Variants in OPCML observed in about 807,000 individuals in gnomAD.
OPCML encodes the protein opioid-binding protein/cell adhesion molecule.
In OPCML, 13 loss-of-function variants were observed where a neutral mutation model predicts 37.8. The observed-to-expected ratio is 0.34, with a 90% CI of 0.22 to 0.55. The LOEUF (loss-of-function observed/expected upper bound fraction) is 0.55. OPCML is among the 20% of genes least tolerant of loss of function. The pLI is 0.91. For missense variants in OPCML, 341 were observed against 435.6 expected (o/e 0.78, Z 1.93); for synonymous variants, 176 against 168.8 (o/e 1.04, Z -0.33).
intron 1 of OPCML, among the ~76,000 whole-genome samples, chr11:133,098,856 A>G (rs1177914548): frequency 6.6e-6 from 1 of 152,198 alleles, no homozygotes; most frequent in Non-Finnish European, 1.5e-5. Flanking sequence ...TAATGCATAT[A>G]GATGGGGAAG....
chr11:133,024,441 GGAA>G (rs763740108), intron 1 of OPCML: 15 of 984,594 alleles, frequency 1.5e-5, no homozygotes, highest in Non-Finnish European at 1.8e-5. Flanking sequence ...AGCACACACA[GGAA>G]GAAGAGAAGC....
intron 2 of OPCML, among the ~76,000 whole-genome samples, chr11:132,872,118 T>G (rs1415675222): frequency 2.6e-5 from 4 of 152,236 alleles, no homozygotes; most frequent in African/African-American, 9.6e-5. Flanking sequence ...TCAGTGTGTT[T>G]GCCTTTTATC....
At chr11:132,842,276 A>G (rs1039691724) in intron 2 of OPCML, among the ~76,000 whole-genome samples, 3 of 152,138 alleles carry the variant, frequency 2.0e-5, no homozygotes, top group African/African-American at 7.2e-5. Context: ...GTTCCACTCA[A>G]GTGAATTATT....
chr11:133,470,374 C>T (rs907149454), intron 1 of OPCML, among the ~76,000 whole-genome samples: 1 of 152,170 alleles, frequency 6.6e-6, no homozygotes, highest in Non-Finnish European at 1.5e-5. Context: ...AAATTATTTG[C>T]TTAATCTAGG....
rs536865990 is a variant in OPCML, at chr11:133,396,054, T to G, written c.61+136210A>C. ...TCCATTTTCTGTGTGTCCTTTTCAA[T>G]GTCTTTCGCCAGCTTTTATACTTTT... On this transcript the variant is annotated intron_variant, in intron 1 of 7. Coordinates refer to ENST00000524381, the MANE Select transcript of OPCML (RefSeq NM_001012393.5). Among the ~76,000 whole-genome samples the G allele has an allele frequency of 9.2e-5, 14 of 152,332 alleles. No homozygotes were observed. The South Asian group carries it at 2.5e-3, about 27-fold the overall frequency.
At chr11:133,096,050 T>C (rs1948997212) in intron 1 of OPCML, among the ~76,000 whole-genome samples, 1 of 151,998 alleles carries the variant, frequency 6.6e-6, no homozygotes. Flanking sequence ...AATCAAAATG[T>C]TTAGTTTTAA....
intron 7 of OPCML, among the ~76,000 whole-genome samples, chr11:132,420,942 T>C (rs542978521): frequency 1.3e-5 from 2 of 152,136 alleles, no homozygotes; most frequent in East Asian, 3.9e-4. Context: ...AGACTGCCCC[T>C]GAAGATTCCA....
chr11:133,500,482 C>T (rs1222053725), intron 1 of OPCML, among the ~76,000 whole-genome samples: 1 of 152,234 alleles, frequency 6.6e-6, no homozygotes, highest in African/African-American at 2.4e-5. Flanking sequence ...ATAATGCCTT[C>T]TCCTGGCACT....
intron 2 of OPCML, among the ~76,000 whole-genome samples, chr11:132,871,503 A>C (rs1942792931): frequency 6.6e-6 from 1 of 152,244 alleles, no homozygotes; most frequent in Non-Finnish European, 1.5e-5. Flanking sequence ...AAGTAATCTG[A>C]AGATGATTTT....
chr11:133,418,578 C>T, intron 1 of OPCML: 1 of 483,990 alleles, frequency 2.1e-6, no homozygotes, highest in Admixed American at 6.4e-5. Context: ...CCAAACTGTC[C>T]TTGGTCATTC....
intron 1 of OPCML, among the ~76,000 whole-genome samples, chr11:133,522,563 C>T (rs1462568836): frequency 6.6e-6 from 1 of 152,134 alleles, no homozygotes; most frequent in Non-Finnish European, 1.5e-5. Flanking sequence ...TCTTTGTACA[C>T]TAAGGTGAGA....
intron 1 of OPCML, among the ~76,000 whole-genome samples, chr11:133,154,403 G>A (rs140333295): frequency 7.8e-4 from 118 of 152,064 alleles, no homozygotes; most frequent in African/African-American, 2.5e-3. Flanking sequence ...TTCTCAGGTC[G>A]TTAGAATTTT....
chr11:132,956,819 C>G (rs573098982), intron 1 of OPCML, among the ~76,000 whole-genome samples: 1 of 152,200 alleles, frequency 6.6e-6, no homozygotes, highest in East Asian at 1.9e-4. Flanking sequence ...ATCAGTTTTA[C>G]AAAGATAGAG....
intron 3 of OPCML, among the ~76,000 whole-genome samples, chr11:132,568,182 T>C (rs2096428914): frequency 6.6e-6 from 1 of 152,178 alleles, no homozygotes. Context: ...GTAACAGCAT[T>C]AATCACGTAA....
rs570968706 is a variant in OPCML at position 133,208,489 on chromosome 11, T to G, written c.62-265479A>C. 1.1e-4 allele frequency among the ~76,000 whole-genome samples: 16 copies of G among 152,210 alleles called. No individual in the cohort carries two copies. The highest frequency in any genetic ancestry group is 2.0e-4 in the Admixed American group (3 of 15,274). The stretch of plus-strand genomic sequence containing the variant: ...ATCTCTCAATTTTTGCATGAATAGA[T>G]TTGGATAATAAAGTGCAATGAAGTA... On this transcript the variant is annotated intron_variant, in intron 1 of 7. Transcript: ENST00000524381. The surrounding 1 kb of genome is among the most constrained non-coding windows in gnomAD (Gnocchi z 8.9).
rs192281854 is a variant in OPCML at position 132,467,394 on chromosome 11, G to A, written c.506-30035C>T. On this transcript the variant is annotated intron_variant, in intron 4 of 7. Transcript: ENST00000524381. ...CAGGTAGTTCTGAAAATAAAATGCT[G>A]AAGTTTTCTTTTCCTGCAGAACAAT... Among the ~76,000 whole-genome samples, 49 of 152,346 alleles carry A rather than the reference G, an allele frequency of 3.2e-4. 1 individual carries two copies. The highest frequency in any genetic ancestry group is 9.4e-4 in the African/African-American group (39 of 41,590).
chr11:132,436,923 CA>C (rs1801098912), intron 5 of OPCML, 144 bp from the exon 6 acceptor site: 15 of 1,446,450 alleles, frequency 1.0e-5, no homozygotes, highest in Non-Finnish European at 1.4e-5. Context: ...GTAAAATAAT[CA>C]TTTATTTCAG....
At chr11:133,017,644 C>T (rs1183729955) in intron 1 of OPCML, among the ~76,000 whole-genome samples, 1 of 152,188 alleles carries the variant, frequency 6.6e-6, no homozygotes, top group Non-Finnish European at 1.5e-5. Context: ...CCTCCTCGGC[C>T]TCCCAAACTG....
intron 1 of OPCML, among the ~76,000 whole-genome samples, chr11:133,261,247 G>A (rs541605991): frequency 2.6e-5 from 4 of 152,286 alleles, no homozygotes; most frequent in Admixed American, 1.3e-4. Flanking sequence ...TTGGATCTTC[G>A]AATAAGGAAA....
Sources: allele counts gnomAD v4.1 joint callset (sites outside exome capture counted in the v4.1 genomes callset), GRCh38; gene constraint gnomAD v4.1.1; non-coding constraint Gnocchi (gnomAD v3.1); transcripts MANE v1.5; gene names NCBI Gene and HGNC (gene_info 2026-07-23, HGNC 2026-07-21).